Variants in ZDHHC14 observed in about 807,000 individuals in gnomAD.
The protein encoded by ZDHHC14 is zDHHC palmitoyltransferase 14.
A neutral mutation model predicts 47.7 loss-of-function variants in ZDHHC14; 16 were observed. The ratio of observed to expected loss-of-function variants is 0.34; its 90% CI spans 0.23 to 0.51. The LOEUF (loss-of-function observed/expected upper bound fraction) is 0.51, where lower values mean the gene tolerates loss of function less well. ZDHHC14 is among the 20% of genes least tolerant of loss of function. The pLI is 0.97. For synonymous variants in ZDHHC14, 293 were observed against 278.9 expected (o/e 1.05, Z -0.50); for missense variants, 515 against 662.5 (o/e 0.78, Z 2.44).
intron 2 of ZDHHC14, among the ~76,000 whole-genome samples, chr6:157,553,227 A>G (rs561732940): frequency 5.9e-5 from 9 of 152,152 alleles, no homozygotes; most frequent in South Asian, 2.1e-4. Flanking sequence ...ATGGTGGGGG[A>G]TGAGGAGCCC....
chr6:157,406,307 G>C (rs549764182), intron 1 of ZDHHC14, among the ~76,000 whole-genome samples: 6 of 152,330 alleles, frequency 3.9e-5, no homozygotes, highest in African/African-American at 1.4e-4. Flanking sequence ...CCGTGTATCT[G>C]TTTGGCTATT....
At chr6:157,583,778 G>C in intron 2 of ZDHHC14, among the ~76,000 whole-genome samples, 1 of 152,134 alleles carries the variant, frequency 6.6e-6, no homozygotes, top group African/African-American at 2.4e-5. Flanking sequence ...GTAAGCTCAG[G>C]CTTTATATTC....
chr6:157,416,887 A>G (rs1464724175), intron 1 of ZDHHC14, among the ~76,000 whole-genome samples: 2 of 147,532 alleles, frequency 1.4e-5, no homozygotes, highest in African/African-American at 5.0e-5. Context: ...GCTCACTGCA[A>G]TCTCTGCCTC....
chr6:157,570,080 A>G (rs1783041286), intron 2 of ZDHHC14, among the ~76,000 whole-genome samples: 1 of 152,226 alleles, frequency 6.6e-6, no homozygotes, highest in South Asian at 2.1e-4. Flanking sequence ...CTGCTTCTGT[A>G]CTGGTAATCC....
rs562427339 is a variant in ZDHHC14 at position 157,628,940 on chromosome 6, A to G, written c.703+454A>G. On this transcript the variant is annotated intron_variant, in intron 4 of 8. Coordinates refer to ENST00000359775, the MANE Select transcript of ZDHHC14 (RefSeq NM_024630.3). The stretch of plus-strand genomic sequence containing the variant: ...ATAATCTCCTTATGTAAGAACAGTC[A>G]CCAGTCACCCTCCCTAGAAAAGATG... Among the ~76,000 whole-genome samples, 17 of 152,322 alleles carry G rather than the reference A, an allele frequency of 1.1e-4. No individual in the cohort carries two copies. In the South Asian group the frequency reaches 3.3e-3, roughly 30 times the overall value.
chr6:157,487,905 G>A (rs1458442462), intron 1 of ZDHHC14, among the ~76,000 whole-genome samples: 1 of 152,150 alleles, frequency 6.6e-6, no homozygotes, highest in Non-Finnish European at 1.5e-5. Context: ...AGGTCTCAGA[G>A]GCTCTCACAG....
At chr6:157,665,675 A>G (rs976496180) in intron 8 of ZDHHC14, among the ~76,000 whole-genome samples, 9 of 152,346 alleles carry the variant, frequency 5.9e-5, no homozygotes, top group Admixed American at 5.2e-4. Context: ...AAAATTAGAT[A>G]AATATTGATA....
intron 1 of ZDHHC14, among the ~76,000 whole-genome samples, chr6:157,388,188 A>G (rs1777355532): frequency 6.6e-6 from 1 of 152,194 alleles, no homozygotes; most frequent in South Asian, 2.1e-4. Flanking sequence ...ATAATTTCTC[A>G]TTTTATAGAC....
rs1022676295 is a variant in ZDHHC14, at chr6:157,585,226, T to C, written c.407-7762T>C. On this transcript the variant is annotated intron_variant, in intron 2 of 8. Transcript: ENST00000359775. ...CCATCTCAAAAAATAAATAAATAAA[T>C]AAATATACTGACTCATATACACTTG... Among the ~76,000 whole-genome samples, 8 of 151,846 alleles carry C rather than the reference T, an allele frequency of 5.3e-5. No homozygotes were observed. In the South Asian group the frequency reaches 1.0e-3, roughly 20 times the overall value.
At chr6:157,445,777 G>A (rs1203379950) in intron 1 of ZDHHC14, among the ~76,000 whole-genome samples, 1 of 152,088 alleles carries the variant, frequency 6.6e-6, no homozygotes, top group Non-Finnish European at 1.5e-5. Context: ...AAAAGCCAGA[G>A]AGAGAGAGAG....
At chr6:157,391,850 A>G (rs1377019182) in intron 1 of ZDHHC14, among the ~76,000 whole-genome samples, 1 of 151,772 alleles carries the variant, frequency 6.6e-6, no homozygotes, top group Non-Finnish European at 1.5e-5. Context: ...ACAACTTTCA[A>G]CTTGTGATTG....
chr6:157,668,623 C>T (rs896037901), intron 8 of ZDHHC14, among the ~76,000 whole-genome samples: 2 of 152,054 alleles, frequency 1.3e-5, no homozygotes, highest in African/African-American at 4.8e-5. Flanking sequence ...TTGTTTGAAC[C>T]CAGGAGGCAG....
At chr6:157,431,451 G>A (rs1473667705) in intron 1 of ZDHHC14, among the ~76,000 whole-genome samples, 1 of 152,204 alleles carries the variant, frequency 6.6e-6, no homozygotes, top group Admixed American at 6.5e-5. Flanking sequence ...TCCAATGCAA[G>A]GGAACGCACT....
chr6:157,632,586 A>G, intron 4 of ZDHHC14: 2 of 552,644 alleles, frequency 3.6e-6, no homozygotes, highest in Non-Finnish European at 6.5e-6. Flanking sequence ...GAAAGTGTGC[A>G]GACATCCATC....
intron 2 of ZDHHC14, among the ~76,000 whole-genome samples, chr6:157,590,808 C>T (rs113084633): frequency 2.6e-5 from 4 of 152,250 alleles, no homozygotes; most frequent in East Asian, 1.9e-4. Flanking sequence ...TGCCCAGAAA[C>T]GCTGAAGACA....
rs1238528400 is a variant in ZDHHC14, at chr6:157,547,713, C to A, written c.406+4968C>A. Among the ~76,000 whole-genome samples the A allele has an allele frequency of 1.9e-4, 25 of 130,364 alleles. 4 individuals are homozygous for A. Among genetic ancestry groups the A allele is most frequent in the Middle Eastern group, 3.7e-3 (1 of 272 alleles). The allele number at this position is 130,364 out of a possible 152,430, so 85.5% of individuals were successfully genotyped here. On this transcript the variant is annotated intron_variant, in intron 2 of 8. Transcript: ENST00000359775. ...TTTAGATTGTTATTTCACTAAAATT[C>A]TTTTTATTGGAGTCATTTCTTCTCT...
At chr6:157,493,016 G>T (rs1779967052) in intron 1 of ZDHHC14, among the ~76,000 whole-genome samples, 1 of 152,164 alleles carries the variant, frequency 6.6e-6, no homozygotes. Context: ...CCTCTGGAGG[G>T]TTTGAGGCAG....
At chr6:157,593,171 G>A in intron 3 of ZDHHC14, 25 bp downstream of exon 3, 1 of 1,593,508 alleles carries the variant, frequency 6.3e-7, no homozygotes, top group Non-Finnish European at 8.5e-7. Flanking sequence ...GGCGGAGCCT[G>A]GCGGGAGCCC....
chr6:157,384,903 A>G (rs184185850), intron 1 of ZDHHC14, among the ~76,000 whole-genome samples: 4 of 152,068 alleles, frequency 2.6e-5, no homozygotes, highest in Admixed American at 6.6e-5. Flanking sequence ...GTGGTCCTCT[A>G]TTTTGATTGT....
Sources: gnomAD v4.1 joint callset for allele counts (sites outside exome capture counted in the v4.1 genomes callset) on GRCh38, gnomAD v4.1.1 for gene constraint, MANE v1.5 for transcripts, NCBI Gene and HGNC (gene_info 2026-07-23, HGNC 2026-07-21) for gene names.